Variants in NCAN observed in about 807,000 individuals in gnomAD.
The protein encoded by NCAN is neurocan.
In NCAN, 47 loss-of-function variants were observed where a neutral mutation model predicts 121.8. The ratio of observed to expected loss-of-function variants is 0.39; its 90% CI spans 0.31 to 0.49. The LOEUF is 0.49. NCAN is among the 20% of genes least tolerant of loss of function. NCAN has a pLI of 0.92. For synonymous variants in NCAN, 633 were observed against 702.0 expected (o/e 0.90, Z 1.55); for missense variants, 1,517 against 1,773.4 (o/e 0.86, Z 2.60).
chr19:19,227,175 C>G lies in NCAN; in HGVS notation c.1660+102C>G. 1 of 1,490,996 alleles carries G rather than the reference C, an allele frequency of 6.7e-7. No homozygotes were observed. Among genetic ancestry groups the G allele is most frequent in the East Asian group, 2.3e-5 (1 of 43,632 alleles). The allele number at this position is 1,490,996 out of a possible 1,614,324, so 92.4% of individuals were successfully genotyped here. A position where few individuals can be genotyped will look rare whatever the true frequency, so the allele number is the denominator to read the frequency against. ...AGAATGAGGGAGGAAGCTCCAAATC[C>G]CAGCTGGGTCCTCTGGCCCCAGAAG... On this transcript the variant is annotated intron_variant, in intron 7 of 14. Coordinates refer to ENST00000252575, the MANE Select transcript of NCAN (RefSeq NM_004386.3). The surrounding 1 kb of genome is among the most constrained non-coding windows in gnomAD (Gnocchi z 4.2).
At position 19,219,272 on chromosome 19, in the gene NCAN, G is replaced by A. The variant is rs2060806967; in HGVS notation, c.431G>A (p.Arg144Lys). Residue 144 changes from arginine to lysine, a missense_variant, in exon 3 of 15, where the codon AGG becomes AAG. Physicochemically the swap from Arg to Lys is conservative, Grantham distance 26 (BLOSUM62 2). Transcript: ENST00000252575. ...DSGLYRCQVVRGIEDEQDLVP... is the reference protein window; with the variant it reads ...DSGLYRCQVVKGIEDEQDLVP... ...GGGCTGTACCGCTGCCAGGTGGTGA[G>A]GGGCATCGAGGATGAGCAGGACCTG... The A allele has an allele frequency of 6.3e-7, 1 of 1,586,950 alleles. No individual in the cohort carries two copies. Among genetic ancestry groups the A allele is most frequent in the Non-Finnish European group, 8.5e-7 (1 of 1,171,714 alleles).
intron 8 of NCAN, among the ~76,000 whole-genome samples, chr19:19,228,892 A>G (rs1191987295): frequency 6.6e-6 from 1 of 152,224 alleles, no homozygotes; most frequent in Non-Finnish European, 1.5e-5. Flanking sequence ...CACAGAGCAT[A>G]CATCCCAATG....
Position 19,219,020 on chromosome 19 carries a change from T to C in NCAN, c.179T>C (p.Leu60Pro), listed in dbSNP as rs748226482. The stretch of plus-strand genomic sequence containing the variant: ...GCGGAGCTGGTGGCCCTGCCCTGTC[T>C]CTTTACCCTGCAGCCACGGCCAAGC... ...ALAELVALPCLFTLQPRPSAA... is the reference protein window; with the variant it reads ...ALAELVALPCPFTLQPRPSAA... Residue 60 changes from leucine (L) to proline (P), a missense_variant, in exon 3 of 15, where the codon CTC (leucine) becomes CCC (proline). Physicochemically the swap from Leu to Pro is moderately conservative, Grantham distance 98. Transcript: ENST00000252575. 13 of 1,610,476 alleles carry C rather than the reference T, an allele frequency of 8.1e-6. No individual in the cohort carries two copies. In the Admixed American group the frequency reaches 1.5e-4, roughly 19 times the overall value.
At position 19,219,141 on chromosome 19, in the gene NCAN, C is replaced by T. The variant is rs1033232842; in HGVS notation, c.300C>T (p.Val100=). 7 of 1,613,834 alleles carry T rather than the reference C, an allele frequency of 4.3e-6. No individual in the cohort carries two copies. The East Asian group carries it at 6.7e-5, about 15-fold the overall frequency. ...CCATCCTGGTGGCCAAGGACAATGT[C>T]GTGAGGGTGGCCAAAAGCTGGCAGG... The part of the protein sequence containing the change: ...DLPILVAKDN[V]VRVAKSWQGR... Residue 100 remains valine (V), a synonymous_variant, in exon 3 of 15, where the codon GTC becomes GTT. Coordinates refer to ENST00000252575, the MANE Select transcript of NCAN (RefSeq NM_004386.3).
Position 19,214,224 on chromosome 19 carries a change from A to ACTCT in NCAN, c.-8+2161_-8+2162insTCTC, listed in dbSNP as rs2060787775. On this transcript the variant is annotated intron_variant, in intron 1 of 14. Coordinates refer to ENST00000252575, the MANE Select transcript of NCAN (RefSeq NM_004386.3). Reference sequence around the variant, plus strand: ...CACACTTACACACACACACTCACACACACTCTCTCACACACACACATTCAC... The same window carrying ACTCT: ...CACACTTACACACACACACTCACACACTCTCACTCTCTCACACACACACATTCAC... Among the ~76,000 whole-genome samples the ACTCT allele has an allele frequency of 2.1e-5, 3 of 145,160 alleles. No homozygotes were observed. In the South Asian group the frequency reaches 6.7e-4, roughly 32 times the overall value.
chr19:19,228,277 C>T lies in NCAN; in HGVS notation c.2657C>T (p.Ala886Val), dbSNP rs902235111. ...LEQGDKVGVP[A>V]MSTLGSSSSQ... ...CAGGGGGACAAGGTTGGAGTTCCAG[C>T]CATGTCTACACTGGGCTCCTCAAGC... Residue 886 changes from alanine to valine, a missense_variant, in exon 8 of 15, where the codon GCC becomes GTC. Physicochemically the swap from Ala to Val is moderately conservative, Grantham distance 64. Coordinates refer to ENST00000252575, the MANE Select transcript of NCAN (RefSeq NM_004386.3). 7 of 1,613,874 alleles carry T rather than the reference C, an allele frequency of 4.3e-6. No homozygotes were observed. The highest frequency in any genetic ancestry group is 2.7e-5 in the African/African-American group (2 of 74,916).
chr19:19,213,045 C>G (rs541014877), intron 1 of NCAN, among the ~76,000 whole-genome samples: 1 of 152,130 alleles, frequency 6.6e-6, no homozygotes, highest in African/African-American at 2.4e-5. Context: ...CCCATCCCTA[C>G]GCGTGGGGCT....
Position 19,233,837 on chromosome 19 carries a change from G to T in NCAN, c.3068G>T (p.Cys1023Phe). The part of the protein sequence containing the change: ...ENNPCLHGGT[C>F]NANGTMYGCS... ...AACCCTTGTCTTCATGGAGGGACATGTAATGCCAATGGCACCATGTATGGC... is the reference window on the plus strand; with the variant it reads ...AACCCTTGTCTTCATGGAGGGACATTTAATGCCAATGGCACCATGTATGGC... The change falls in exon 9 of 15, where the codon TGT becomes TTT. Residue 1023 changes from cysteine (C) to phenylalanine (F), a missense_variant. Cys to Phe is a radical substitution (Grantham distance 205, BLOSUM62 -2). Transcript: ENST00000252575. The T allele has an allele frequency of 6.2e-7, 1 of 1,614,134 alleles. No individual in the cohort carries two copies.
chr19:19,242,839 A>G (rs960792031), intron 12 of NCAN, among the ~76,000 whole-genome samples: 3 of 152,146 alleles, frequency 2.0e-5, no homozygotes, highest in Non-Finnish European at 4.4e-5. Flanking sequence ...TTGTTCGGCC[A>G]TAAAGGAGAA....
At position 19,228,288 on chromosome 19, in the gene NCAN, C is replaced by G. The variant is rs776109520; in HGVS notation, c.2668C>G (p.Leu890Val). Reference protein sequence around the residue: ...DKVGVPAMSTLGSSSSQPHPE... With the variant: ...DKVGVPAMSTVGSSSSQPHPE... Reference sequence around the variant, plus strand: ...GGTTGGAGTTCCAGCCATGTCTACACTGGGCTCCTCAAGCTCCCAACCCCA... The same window carrying G: ...GGTTGGAGTTCCAGCCATGTCTACAGTGGGCTCCTCAAGCTCCCAACCCCA... The change falls in exon 8 of 15, where the codon CTG becomes GTG. Residue 890 changes from leucine to valine, a missense_variant. Coordinates refer to ENST00000252575, the MANE Select transcript of NCAN (RefSeq NM_004386.3). 2 of 1,613,862 alleles carry G rather than the reference C, an allele frequency of 1.2e-6. No homozygotes were observed. Among genetic ancestry groups the G allele is most frequent in the African/African-American group, 1.3e-5 (1 of 74,916 alleles).
Position 19,227,920 on chromosome 19 carries a change from C to T in NCAN, c.2300C>T (p.Pro767Leu). The T allele has an allele frequency of 6.2e-7, 1 of 1,613,618 alleles. No homozygotes were observed. ...GGGGTCTTCGACACAGCAGAAAGCCCCACTTCTGGCTTGCAGGCCACTGTA... is the reference window on the plus strand; with the variant it reads ...GGGGTCTTCGACACAGCAGAAAGCCTCACTTCTGGCTTGCAGGCCACTGTA... ...ESGVFDTAES[P>L]TSGLQATVDE... Residue 767 changes from proline (P) to leucine (L), a missense_variant, in exon 8 of 15, where the codon CCC (proline) becomes CTC (leucine). Pro to Leu is a moderately conservative substitution (Grantham distance 98). Coordinates refer to ENST00000252575, the MANE Select transcript of NCAN (RefSeq NM_004386.3). The surrounding 1 kb of genome is among the most constrained non-coding windows in gnomAD (Gnocchi z 4.2).
intron 1 of NCAN, among the ~76,000 whole-genome samples, chr19:19,216,373 G>A (rs879104161): frequency 2.6e-5 from 4 of 151,344 alleles, no homozygotes; most frequent in Non-Finnish European, 4.4e-5. Context: ...GTGCAGTGGC[G>A]TGATCTCGGC....
In NCAN at chr19:19,227,131, G is replaced by A. The variant is rs2060840476; in HGVS notation, c.1660+58G>A. 1 of 1,493,386 alleles carries A rather than the reference G, an allele frequency of 6.7e-7. No homozygotes were observed. The highest frequency in any genetic ancestry group is 1.4e-5 in the South Asian group (1 of 72,632). 92.5% of individuals were successfully genotyped at this position (1,493,386 alleles called of 1,614,324 possible). A position where few individuals can be genotyped will look rare whatever the true frequency, so the allele number is the denominator to read the frequency against. ...GGGGATCTGGAGGTGAGGGTAGAGAGGTAGCCATGGCTACACTCAGAATGA... is the reference window on the plus strand; with the variant it reads ...GGGGATCTGGAGGTGAGGGTAGAGAAGTAGCCATGGCTACACTCAGAATGA... On this transcript the variant is annotated intron_variant, in intron 7 of 14. Transcript: ENST00000252575. This position sits in a 1 kb window ranked among gnomAD's most constrained non-coding sequence, Gnocchi z 4.2.
intron 13 of NCAN, among the ~76,000 whole-genome samples, chr19:19,245,905 T>G (rs554086816): frequency 4.6e-5 from 7 of 152,138 alleles, no homozygotes; most frequent in Admixed American, 3.3e-4. Context: ...GGGTATAGAA[T>G]TTTGGTGTGT....
At chr19:19,239,585 C>G (rs796543217) in intron 11 of NCAN, among the ~76,000 whole-genome samples, 1 of 112,178 alleles carries the variant, frequency 8.9e-6, no homozygotes, top group African/African-American at 3.7e-5. Flanking sequence ...CCCCTCCTCC[C>G]TCTCCTCCTC....
chr19:19,250,120 GA>G lies in NCAN; in HGVS notation c.*213del. ...TCTTGGCAGGTGGAGCCAGGTGTCT[GA>G]AAAGTTCATTCTCGTCTGGCTGAAC... On this transcript the variant is annotated 3_prime_UTR_variant, in exon 15 of 15. Coordinates refer to ENST00000252575, the MANE Select transcript of NCAN (RefSeq NM_004386.3). 1 of 708,434 alleles carries G rather than the reference GA, an allele frequency of 1.4e-6. No homozygotes were observed. The allele number at this position is 708,434 out of a possible 1,614,324, so 43.9% of individuals were successfully genotyped here.
At chr19:19,230,883 C>CTGTGTGTGTGTGTGTGTGTGTGTGTGTG (rs367759381) in intron 8 of NCAN, among the ~76,000 whole-genome samples, 1 of 121,782 alleles carries the variant, frequency 8.2e-6, no homozygotes, top group African/African-American at 3.2e-5. Flanking sequence ...CCACACCCGG[C>CTGTGTGTGTGTGTGTGTGTGTGTGTGTG]TGTGTGTGTG....
chr19:19,225,065 G>C lies in NCAN; in HGVS notation c.867G>C (p.Ser289=), dbSNP rs770807677. ...QCRRQGAALA[S]VGQLHLAWHE... ...GCCGCCAGGGTGCCGCGCTGGCCTC[G>C]GTGGGACAGCTGCACCTGGCCTGGC... The change falls in exon 6 of 15, where the codon TCG becomes TCC. Residue 289 remains serine (S), a synonymous_variant. Transcript: ENST00000252575. The surrounding 1 kb of genome is among the most constrained non-coding windows in gnomAD (Gnocchi z 4.0). 6 of 1,523,286 alleles carry C rather than the reference G, an allele frequency of 3.9e-6. No individual in the cohort carries two copies. The South Asian group carries it at 7.2e-5, about 18-fold the overall frequency. 94.4% of individuals were successfully genotyped at this position (1,523,286 alleles called of 1,614,324 possible).
At chr19:19,217,980 C>CA (rs2060801981) in intron 2 of NCAN, among the ~76,000 whole-genome samples, 1 of 151,282 alleles carries the variant, frequency 6.6e-6, no homozygotes, top group Non-Finnish European at 1.5e-5. Flanking sequence ...GAGTCAGACT[C>CA]AAAAAAATAA....
Sources: gnomAD v4.1 joint callset for allele counts (sites outside exome capture counted in the v4.1 genomes callset) on GRCh38, gnomAD v4.1.1 for gene constraint, Gnocchi (gnomAD v3.1) non-coding constraint, MANE v1.5 for transcripts, NCBI Gene and HGNC (gene_info 2026-07-23, HGNC 2026-07-21) for gene names.